The following BABAM2 variants were observed in gnomAD, a reference collection of about 807,000 sequenced individuals.
BABAM2 encodes the protein BRISC and BRCA1 A complex member 2.
A neutral mutation model predicts 54.7 loss-of-function variants in BABAM2; 31 were observed. The ratio of observed to expected loss-of-function variants is 0.57; its 90% CI spans 0.43 to 0.77. The LOEUF is 0.77. Ranked by LOEUF, BABAM2 falls within the 30% of genes least tolerant of loss-of-function variation. BABAM2 has a pLI of 0.00. For missense variants in BABAM2, 364 were observed against 455.8 expected, an observed-to-expected ratio of 0.80 and a Z score of 1.83; for synonymous variants, 167 against 162.9, an observed-to-expected ratio of 1.03 and a Z score of -0.19.
chr2:28,264,177 A>T (rs1684778977), intron 10 of BABAM2, among the ~76,000 whole-genome samples: 1 of 152,174 alleles, frequency 6.6e-6, no homozygotes, highest in African/African-American at 2.4e-5. Flanking sequence ...TATAGGACTT[A>T]ACATTTGTAG....
intron 3 of BABAM2, among the ~76,000 whole-genome samples, chr2:27,980,185 C>T (rs538953301): frequency 1.1e-4 from 16 of 152,014 alleles, no homozygotes; most frequent in African/African-American, 3.1e-4. Context: ...TTTTAAACCT[C>T]GCCTTATAGC....
chr2:28,123,408 C>G (rs1187633149), intron 6 of BABAM2, among the ~76,000 whole-genome samples: 1 of 152,204 alleles, frequency 6.6e-6, no homozygotes, highest in East Asian at 1.9e-4. Flanking sequence ...CGGTATCTTT[C>G]CTCCCATTTT....
At chr2:28,133,709 C>T (rs1480084099) in intron 7 of BABAM2, among the ~76,000 whole-genome samples, 4 of 152,124 alleles carry the variant, frequency 2.6e-5, no homozygotes, top group African/African-American at 9.7e-5. Flanking sequence ...CTACTCCCAG[C>T]AATTGGAAAA....
chr2:28,254,893 C>A (rs1451860487), intron 10 of BABAM2, among the ~76,000 whole-genome samples: 2 of 151,678 alleles, frequency 1.3e-5, no homozygotes, highest in African/African-American at 4.8e-5. Context: ...ACCACCATGC[C>A]AGCTAATTTT....
intron 5 of BABAM2, among the ~76,000 whole-genome samples, chr2:28,029,050 A>C (rs1676106635): frequency 6.6e-6 from 1 of 152,210 alleles, no homozygotes; most frequent in Non-Finnish European, 1.5e-5. Flanking sequence ...TATAGATGTG[A>C]GCCACCATGC....
intron 4 of BABAM2, among the ~76,000 whole-genome samples, chr2:28,005,866 A>C (rs1440885383): frequency 1.3e-5 from 2 of 152,246 alleles, no homozygotes; most frequent in African/African-American, 4.8e-5. Flanking sequence ...GTTTGAAGCA[A>C]ACCCCACATA....
intron 6 of BABAM2, among the ~76,000 whole-genome samples, chr2:28,106,549 A>G (rs969274119): frequency 2.2e-4 from 34 of 152,216 alleles, no homozygotes; most frequent in African/African-American, 8.2e-4. Flanking sequence ...GATTTGTCTG[A>G]TGTTCACTCA....
intron 2 of BABAM2, among the ~76,000 whole-genome samples, chr2:27,905,196 A>G (rs554080742): frequency 6.6e-6 from 1 of 152,352 alleles, no homozygotes; most frequent in African/African-American, 2.4e-5. Flanking sequence ...AGCCAGGACC[A>G]GAAGAAATAA....
intron 11 of BABAM2, chr2:28,327,272 AG>A: frequency 1.3e-6 from 2 of 1,599,898 alleles, no homozygotes; most frequent in Non-Finnish European, 1.7e-6. Flanking sequence ...CTGCTGCACC[AG>A]GGGATGCCAA....
At chr2:28,202,786 T>G (rs1425173119) in intron 7 of BABAM2, among the ~76,000 whole-genome samples, 1 of 152,160 alleles carries the variant, frequency 6.6e-6, no homozygotes, top group Non-Finnish European at 1.5e-5. Flanking sequence ...AAACAAAGAC[T>G]TAAATAAACA....
At chr2:28,255,280 C>T (rs926600430) in intron 10 of BABAM2, among the ~76,000 whole-genome samples, 2 of 151,938 alleles carry the variant, frequency 1.3e-5, no homozygotes, top group African/African-American at 2.4e-5. Context: ...TGAGCCATTC[C>T]GTCTTTTTTT....
intron 7 of BABAM2, among the ~76,000 whole-genome samples, chr2:28,206,972 G>C (rs1357714247): frequency 2.0e-5 from 3 of 152,206 alleles, no homozygotes; most frequent in African/African-American, 7.2e-5. Context: ...GCCAAGCACA[G>C]TATTCAGTTA....
intron 6 of BABAM2, among the ~76,000 whole-genome samples, chr2:28,085,977 T>G (rs1390586342): frequency 6.6e-6 from 1 of 152,190 alleles, no homozygotes. Flanking sequence ...TATTCTTGTC[T>G]TATGCTGTAC....
intron 11 of BABAM2, among the ~76,000 whole-genome samples, chr2:28,324,508 TCACACCTATAATTTCAGA>T (rs1553367513): frequency 6.6e-6 from 1 of 151,704 alleles, no homozygotes; most frequent in Non-Finnish European, 1.5e-5. Context: ...GCATGGTGGC[TCACACCTATAATTTCAGA>T]ACTTTGGGAG....
chr2:27,963,298 C>T (rs1670603135), intron 3 of BABAM2, among the ~76,000 whole-genome samples: 1 of 151,784 alleles, frequency 6.6e-6, no homozygotes, highest in Non-Finnish European at 1.5e-5. Context: ...GGCAAAACCC[C>T]GTGTCTACTA....
At chr2:28,216,806 A>C (rs1443754672) in intron 7 of BABAM2, among the ~76,000 whole-genome samples, 3 of 152,104 alleles carry the variant, frequency 2.0e-5, no homozygotes, top group Non-Finnish European at 4.4e-5. Context: ...TCTCCTTCAT[A>C]ATCTGGCCTT....
At chr2:28,056,123 A>G (rs1015254975) in intron 6 of BABAM2, among the ~76,000 whole-genome samples, 2 of 152,186 alleles carry the variant, frequency 1.3e-5, no homozygotes, top group Non-Finnish European at 2.9e-5. Flanking sequence ...GATGTAGGAT[A>G]CATCTTCTGT....
chr2:28,327,207 C>G (rs1206393777), intron 11 of BABAM2: 21 of 1,524,754 alleles, frequency 1.4e-5, no homozygotes, highest in Non-Finnish European at 1.8e-5. Flanking sequence ...TTAGGACTAC[C>G]CTGTCCCTCC....
chr2:27,968,737 C>T (rs1670998714), intron 3 of BABAM2, among the ~76,000 whole-genome samples: 1 of 152,244 alleles, frequency 6.6e-6, no homozygotes, highest in Non-Finnish European at 1.5e-5. Flanking sequence ...CCACCTCTTG[C>T]ATCAGCATGA....
Sources: allele counts gnomAD v4.1 joint callset (sites outside exome capture counted in the v4.1 genomes callset), GRCh38; gene constraint gnomAD v4.1.1; transcripts MANE v1.5; gene names NCBI Gene and HGNC (gene_info 2026-07-23, HGNC 2026-07-21).